NCAPH: variants seen among roughly 807,000 people sequenced by gnomAD.
NCAPH encodes the protein condensin complex subunit 2.
In NCAPH, 38 loss-of-function variants were observed where a neutral mutation model predicts 85.5. The ratio of observed to expected loss-of-function variants is 0.44; its 90% CI spans 0.34 to 0.58. The LOEUF (loss-of-function observed/expected upper bound fraction) is 0.58. NCAPH is among the 20% of genes least tolerant of loss of function. The probability of loss-of-function intolerance (pLI) is 0.01; values close to 1 mark genes in which losing one functional copy is unlikely to be tolerated. For missense variants in NCAPH, 789 were observed against 916.6 expected (o/e 0.86, Z 1.80); for synonymous variants, 301 against 335.1 (o/e 0.90, Z 1.11).
chr2:96,340,013 C>G (rs2064269796), intron 1 of NCAPH, among the ~76,000 whole-genome samples: 1 of 152,142 alleles, frequency 6.6e-6, no homozygotes, highest in Non-Finnish European at 1.5e-5. Context: ...GCCTCCGTCT[C>G]CCGGGTTCAA....
In NCAPH at chr2:96,341,874, A is replaced by T; in HGVS notation, c.252A>T (p.Leu84Phe). The T allele has an allele frequency of 6.2e-7, 1 of 1,610,534 alleles. No homozygotes were observed. Among genetic ancestry groups the T allele is most frequent in the East Asian group, 2.2e-5 (1 of 44,828 alleles). The change falls in exon 2 of 18, where the codon TTA becomes TTT. Residue 84 changes from leucine (L) to phenylalanine (F), a missense_variant. Leu to Phe is a conservative substitution (Grantham distance 22, BLOSUM62 0). Coordinates refer to ENST00000240423, the MANE Select transcript of NCAPH (RefSeq NM_015341.5). ...DLQFSTDSPR[L>F]LASPSSRSID... is the part of the protein sequence containing the mutation. Reference sequence around the variant, plus strand: ...AGTTCAGCACTGACTCACCTCGCTTATTGGCCTCCCCCTCCAGCAGGTGAG... The same window carrying T: ...AGTTCAGCACTGACTCACCTCGCTTTTTGGCCTCCCCCTCCAGCAGGTGAG...
intron 6 of NCAPH, among the ~76,000 whole-genome samples, chr2:96,345,598 C>G (rs2064352018): frequency 6.6e-6 from 1 of 152,148 alleles, no homozygotes; most frequent in Admixed American, 6.5e-5. Context: ...TAACAGGGAG[C>G]TGCCGGCAAA....
chr2:96,335,869 G>T, intron 1 of NCAPH, 21 bp downstream of exon 1: 2 of 1,468,592 alleles, frequency 1.4e-6, no homozygotes. Context: ...CGGTCGGGAG[G>T]CGCGGCGGGA....
chr2:96,365,770 C>G (rs2064689223), intron 13 of NCAPH, 106 bp from the exon 14 acceptor site: 3 of 1,111,386 alleles, frequency 2.7e-6, no homozygotes, highest in Middle Eastern at 5.1e-4. Context: ...ACTGAGTGAA[C>G]CATCAGATGG....
chr2:96,345,292 A>G (rs1454526684), intron 6 of NCAPH, among the ~76,000 whole-genome samples: 2 of 152,198 alleles, frequency 1.3e-5, no homozygotes, highest in African/African-American at 4.8e-5. Context: ...TCAGACCTCC[A>G]GGGAAGGGCT....
intron 7 of NCAPH, among the ~76,000 whole-genome samples, 184 bp downstream of exon 7, chr2:96,352,204 C>T (rs2064454289): frequency 6.6e-6 from 1 of 152,190 alleles, no homozygotes. Context: ...TTTGTCTTCT[C>T]TGCGGCGTGG....
intron 6 of NCAPH, among the ~76,000 whole-genome samples, chr2:96,350,290 CA>C (rs1184071311): frequency 6.6e-6 from 1 of 152,150 alleles, no homozygotes; most frequent in African/African-American, 2.4e-5. Context: ...ATTCTAGACA[CA>C]AGTGAGGAAC....
At chr2:96,338,994 G>A (rs1219865138) in intron 1 of NCAPH, among the ~76,000 whole-genome samples, 6 of 152,014 alleles carry the variant, frequency 3.9e-5, no homozygotes, top group Non-Finnish European at 8.8e-5. Context: ...TGTATTTTTA[G>A]TAGAGGTGGG....
At chr2:96,361,826 ATATTT>A (rs1182396782) in intron 12 of NCAPH, among the ~76,000 whole-genome samples, 170 of 118,650 alleles carry the variant, frequency 1.4e-3, no homozygotes, top group African/African-American at 5.3e-3. Flanking sequence ...ATATATATAT[ATATTT>A]TTTTTTTTTT....
At chr2:96,363,200 A>G (rs2104484587) in intron 12 of NCAPH, among the ~76,000 whole-genome samples, 1 of 152,356 alleles carries the variant, frequency 6.6e-6, no homozygotes, top group South Asian at 2.1e-4. Context: ...TAGCAATGAA[A>G]TATTTTTAAT....
chr2:96,365,641 G>A (rs899148332), intron 13 of NCAPH, among the ~76,000 whole-genome samples: 7 of 152,092 alleles, frequency 4.6e-5, no homozygotes, highest in South Asian at 2.1e-4. Flanking sequence ...TATGGTTATC[G>A]AATTCCTTTT....
intron 5 of NCAPH, among the ~76,000 whole-genome samples, chr2:96,343,708 T>G (rs960945278): frequency 3.3e-5 from 5 of 151,448 alleles, no homozygotes; most frequent in Admixed American, 1.3e-4. Flanking sequence ...GAGTTTTGTT[T>G]TTTTTTTTTT....
intron 10 of NCAPH, chr2:96,359,468 T>G (rs1333408981): frequency 2.3e-6 from 1 of 427,202 alleles, no homozygotes; most frequent in Non-Finnish European, 4.2e-6. Context: ...TCCACATGAC[T>G]TCACTCAGTG....
At chr2:96,347,022 A>G (rs1343428444) in intron 6 of NCAPH, among the ~76,000 whole-genome samples, 2 of 152,210 alleles carry the variant, frequency 1.3e-5, no homozygotes, top group African/African-American at 4.8e-5. Flanking sequence ...TTCTGAGAAG[A>G]AGGACAGGTT....
At position 96,359,148 on chromosome 2, in the gene NCAPH, A is replaced by T; in HGVS notation, c.1312A>T (p.Met438Leu). Residue 438 changes from methionine to leucine, a missense_variant, in exon 10 of 18, where the codon ATG becomes TTG. Transcript: ENST00000240423. ...TTATTTCAGTCCTCGGACCATGTCGATGTGGGCTGGCCCGGATCACTGGCG... is the reference window on the plus strand; with the variant it reads ...TTATTTCAGTCCTCGGACCATGTCGTTGTGGGCTGGCCCGGATCACTGGCG... ...YSYFSPRTMSMWAGPDHWRFR... is the reference protein window; with the variant it reads ...YSYFSPRTMSLWAGPDHWRFR... 6.2e-7 allele frequency: 1 copy of T among 1,614,202 alleles called. No homozygotes were observed. Among genetic ancestry groups the T allele is most frequent in the Non-Finnish European group, 8.5e-7 (1 of 1,180,048 alleles).
chr2:96,361,493 A>T (rs1418428465), intron 12 of NCAPH, among the ~76,000 whole-genome samples: 2 of 152,006 alleles, frequency 1.3e-5, no homozygotes, highest in African/African-American at 2.4e-5. Context: ...AGGGCTCTAC[A>T]GGCTGCTGGG....
At chr2:96,359,322 A>G in intron 10 of NCAPH, 129 bp downstream of exon 10, 1 of 1,176,212 alleles carries the variant, frequency 8.5e-7, no homozygotes, top group Non-Finnish European at 1.2e-6. Flanking sequence ...GGAAGCATAC[A>G]GATGAGCCAG....
intron 8 of NCAPH, 58 bp downstream of exon 8, chr2:96,353,455 C>A: frequency 6.9e-7 from 1 of 1,451,258 alleles, no homozygotes; most frequent in Non-Finnish European, 9.7e-7. Flanking sequence ...AGTGGTCCTG[C>A]CCAATGGGAA....
At chr2:96,366,126 G>C in intron 14 of NCAPH, 68 bp downstream of exon 14, 2 of 1,514,940 alleles carry the variant, frequency 1.3e-6, no homozygotes, top group Non-Finnish European at 1.8e-6. Flanking sequence ...TTATATGAGA[G>C]TCACGCAATC....
Sources: allele counts gnomAD v4.1 joint callset (sites outside exome capture counted in the v4.1 genomes callset), GRCh38; gene constraint gnomAD v4.1.1; transcripts MANE v1.5; gene names NCBI Gene and HGNC (gene_info 2026-07-23, HGNC 2026-07-21).